The following PRR33 variants were observed in gnomAD, a reference collection of about 807,000 sequenced individuals.
PRR33 encodes the protein proline-rich protein 33.
PRR33 carries 1 observed loss-of-function variant against 0.5 expected under a neutral mutation model. That is an observed-to-expected ratio of 2.18 (90% CI 0.77 to 10.34). The LOEUF (loss-of-function observed/expected upper bound fraction) is 10.34, where lower values mean the gene tolerates loss of function less well. Ranked by LOEUF, PRR33 falls within the 30% of genes most tolerant of loss-of-function variation. The probability of loss-of-function intolerance (pLI) is 0.13; values close to 1 mark genes in which losing one functional copy is unlikely to be tolerated. For missense variants in PRR33, 552 were observed against 251.8 expected (o/e 2.19, Z -8.07); for synonymous variants, 226 against 110.0 (o/e 2.06, Z -6.60).
At chr11:1,888,396 A>C (rs879625286) in exon 1 of PRR33, among the ~76,000 whole-genome samples, 2 of 152,154 alleles carry the variant, frequency 1.3e-5, no homozygotes, top group Non-Finnish European at 2.9e-5. Context: ...CCAGCTGTCA[A>C]AGCCTGGGCA....
chr11:1,899,884 A>T, the PRR33 span, among the ~76,000 whole-genome samples: 1 of 152,116 alleles, frequency 6.6e-6, no homozygotes, highest in Non-Finnish European at 1.5e-5. Flanking sequence ...AATTGAAGGA[A>T]ATCCCTCCAG....
the PRR33 span, among the ~76,000 whole-genome samples, chr11:1,915,139 C>CTGTGTGTG: frequency 0.015 from 1,940 of 128,510 alleles, 27 homozygotes; most frequent in African/African-American, 0.031. Flanking sequence ...GATGATGTTT[C>CTGTGTGTG]TGTGTGTGTG....
the PRR33 span, among the ~76,000 whole-genome samples, chr11:1,897,670 C>T: frequency 6.6e-6 from 1 of 152,138 alleles, no homozygotes; most frequent in East Asian, 1.9e-4. This position sits in a 1 kb window ranked among gnomAD's most constrained non-coding sequence, Gnocchi z 4.0. Flanking sequence ...AGCCTTAGGG[C>T]CTTGGCACCA....
chr11:1,900,617 G>A, the PRR33 span, among the ~76,000 whole-genome samples: 7 of 152,176 alleles, frequency 4.6e-5, no homozygotes, highest in East Asian at 1.9e-4. Flanking sequence ...TGGAAATGAC[G>A]TAAAATGGTC....
upstream of PRR33, chr11:1,892,371 G>C (rs771395442): frequency 2.6e-5 from 4 of 152,298 alleles, no homozygotes; most frequent in African/African-American, 9.6e-5. Flanking sequence ...TGGCCTCTGG[G>C]TTCAGGCAGT....
chr11:1,897,952 A>G, the PRR33 span, among the ~76,000 whole-genome samples: 1 of 152,210 alleles, frequency 6.6e-6, no homozygotes, highest in South Asian at 2.1e-4. The surrounding 1 kb of genome is among the most constrained non-coding windows in gnomAD (Gnocchi z 4.0). Context: ...GAAGCAAACC[A>G]ACGAAAATCA....
At chr11:1,906,725 G>A in the PRR33 span, among the ~76,000 whole-genome samples, 1 of 152,210 alleles carries the variant, frequency 6.6e-6, no homozygotes, top group African/African-American at 2.4e-5. Flanking sequence ...GCTGGTGGGA[G>A]CAGACACAAT....
exon 1 of PRR33, chr11:1,890,504 C>G (rs1254531361): frequency 7.0e-6 from 5 of 716,798 alleles, no homozygotes; most frequent in Non-Finnish European, 1.3e-5. Flanking sequence ...GCTTGGGCAG[C>G]AGGGGCGGTG....
chr11:1,915,858 A>T, the PRR33 span, among the ~76,000 whole-genome samples: 1 of 150,888 alleles, frequency 6.6e-6, no homozygotes, highest in Non-Finnish European at 1.5e-5. Context: ...GGATGGATGG[A>T]TGGATAGACA....
chr11:1,894,478 C>A (rs1230673842), upstream of PRR33, among the ~76,000 whole-genome samples: 1 of 152,146 alleles, frequency 6.6e-6, no homozygotes, highest in African/African-American at 2.4e-5. Context: ...TCAAGCGACC[C>A]CCCCTGCCTC....
chr11:1,904,645 C>T, the PRR33 span, among the ~76,000 whole-genome samples: 1 of 151,456 alleles, frequency 6.6e-6, no homozygotes, highest in African/African-American at 2.4e-5. Context: ...GCCAGGAATT[C>T]GAGACCAGCG....
the PRR33 span, among the ~76,000 whole-genome samples, chr11:1,905,780 C>T: frequency 6.6e-6 from 1 of 151,690 alleles, no homozygotes. Context: ...TTACAGGCAG[C>T]ACAGAGTTGG....
the PRR33 span, among the ~76,000 whole-genome samples, chr11:1,904,017 AC>A: frequency 6.6e-6 from 1 of 152,170 alleles, no homozygotes; most frequent in African/African-American, 2.4e-5. Context: ...CGACTTCTGA[AC>A]CCAGCTTAGA....
chr11:1,892,581 G>C (rs1849045086), upstream of PRR33, among the ~76,000 whole-genome samples: 1 of 152,142 alleles, frequency 6.6e-6, no homozygotes, highest in South Asian at 2.1e-4. Context: ...TCCACCTCGG[G>C]GCCTCCCCCA....
chr11:1,894,466 G>GC (rs1174634007), upstream of PRR33, among the ~76,000 whole-genome samples: 1 of 152,078 alleles, frequency 6.6e-6, no homozygotes, highest in Non-Finnish European at 1.5e-5. Context: ...AAACTCTTGG[G>GC]CTCAAGCGAC....
chr11:1,917,524 G>C, the PRR33 span, among the ~76,000 whole-genome samples: 2 of 152,178 alleles, frequency 1.3e-5, no homozygotes, highest in African/African-American at 4.8e-5. Context: ...ACCCAGGCTG[G>C]GCCTCCCTTG....
At chr11:1,915,407 G>A in the PRR33 span, among the ~76,000 whole-genome samples, 1 of 150,582 alleles carries the variant, frequency 6.6e-6, no homozygotes, top group Non-Finnish European at 1.5e-5. Flanking sequence ...GTGTCTGTGT[G>A]TGTATGTTGT....
At chr11:1,892,869 T>A (rs761186612), upstream of PRR33, among the ~76,000 whole-genome samples, 5 of 151,296 alleles carry the variant, frequency 3.3e-5, no homozygotes, top group Non-Finnish European at 5.9e-5. Context: ...GGTGGGTGAA[T>A]GGATGGGTAG....
exon 1 of PRR33, chr11:1,890,076 A>G: frequency 1.4e-6 from 1 of 714,674 alleles, no homozygotes; most frequent in East Asian, 2.7e-5. Flanking sequence ...ACCCCCAGAG[A>G]CAGGGACGAA....
Sources: gnomAD v4.1 joint callset for allele counts (sites outside exome capture counted in the v4.1 genomes callset) on GRCh38, gnomAD v4.1.1 for gene constraint, Gnocchi (gnomAD v3.1) non-coding constraint, MANE v1.5 for transcripts, NCBI Gene and HGNC (gene_info 2026-07-23, HGNC 2026-07-21) for gene names.